INPP4B: variants seen among roughly 807,000 people sequenced by gnomAD.
INPP4B encodes the protein inositol polyphosphate-4-phosphatase type II B, also known as inositol polyphosphate 4-phosphatase type II.
INPP4B carries 55 observed loss-of-function variants against 122.5 expected under a neutral mutation model. The ratio of observed to expected loss-of-function variants is 0.45; its 90% CI spans 0.36 to 0.56. The LOEUF (loss-of-function observed/expected upper bound fraction) is 0.56, where lower values mean the gene tolerates loss of function less well. Among genes scored for constraint, INPP4B ranks in the 20% least tolerant of loss-of-function variants. INPP4B has a pLI of 0.00. For missense variants in INPP4B, 1,000 were observed against 1,097.7 expected, an observed-to-expected ratio of 0.91 and a Z score of 1.26; for synonymous variants, 403 against 388.7, an observed-to-expected ratio of 1.04 and a Z score of -0.43.
At chr4:142,094,199 C>T (rs336298) in intron 23 of INPP4B, among the ~76,000 whole-genome samples, 96,642 of 151,916 alleles carry the variant, frequency 0.64, 32,580 homozygotes, top group Non-Finnish European at 0.75. Context: ...CAAGCACAGA[C>T]GATAGAGCAG....
At chr4:142,472,778 C>G (rs1819110911) in intron 2 of INPP4B, among the ~76,000 whole-genome samples, 1 of 152,108 alleles carries the variant, frequency 6.6e-6, no homozygotes, top group Non-Finnish European at 1.5e-5. Context: ...TTCTTTGACC[C>G]CCCATCAGAA....
intron 1 of INPP4B, among the ~76,000 whole-genome samples, chr4:142,763,485 T>C (rs1366595161): frequency 6.6e-6 from 1 of 152,176 alleles, no homozygotes; most frequent in African/African-American, 2.4e-5. Context: ...AACCAACATA[T>C]TGTCCTAATA....
intron 1 of INPP4B, among the ~76,000 whole-genome samples, chr4:142,829,952 A>T (rs1781915234): frequency 1.3e-5 from 2 of 152,312 alleles, no homozygotes; most frequent in Non-Finnish European, 2.9e-5. Flanking sequence ...TAAAAATTAT[A>T]CCATTTTAAT....
chr4:142,264,938 CTT>C (rs1742025566), intron 10 of INPP4B, among the ~76,000 whole-genome samples: 1 of 151,944 alleles, frequency 6.6e-6, no homozygotes. Flanking sequence ...CCCTCTCTCC[CTT>C]CCTTTCTCCT....
intron 9 of INPP4B, among the ~76,000 whole-genome samples, chr4:142,294,608 A>C (rs1309668547): frequency 6.6e-6 from 1 of 151,856 alleles, no homozygotes; most frequent in Non-Finnish European, 1.5e-5. Flanking sequence ...TGCTGGATGA[A>C]ATTGAAACTG....
chr4:142,841,319 A>G (rs376329003), intron 1 of INPP4B, among the ~76,000 whole-genome samples: 1 of 151,930 alleles, frequency 6.6e-6, no homozygotes, highest in South Asian at 2.1e-4. Context: ...CCCAGCATTG[A>G]ATAGTTTTTG....
At chr4:142,253,743 G>A (rs1733872254) in intron 11 of INPP4B, among the ~76,000 whole-genome samples, 1 of 152,220 alleles carries the variant, frequency 6.6e-6, no homozygotes, top group Admixed American at 6.5e-5. Context: ...ACAGCGGTCT[G>A]AGATCAAACT....
At chr4:142,420,562 T>C (rs190634129) in intron 5 of INPP4B, among the ~76,000 whole-genome samples, 58 of 152,246 alleles carry the variant, frequency 3.8e-4, no homozygotes, top group African/African-American at 1.4e-3. Context: ...TAAATAACTA[T>C]ATCAGAAGTA....
chr4:142,062,488 C>A (rs920906299), intron 25 of INPP4B, among the ~76,000 whole-genome samples: 3 of 152,136 alleles, frequency 2.0e-5, no homozygotes. Flanking sequence ...ATCCCAGCAG[C>A]ACTTTGGGAG....
intron 17 of INPP4B, among the ~76,000 whole-genome samples, chr4:142,153,926 C>T (rs1033663891): frequency 1.3e-5 from 2 of 152,060 alleles, no homozygotes; most frequent in Admixed American, 6.6e-5. Context: ...TTTAATGGAC[C>T]AGTCATGAAC....
chr4:142,134,189 C>T (rs1310642294), intron 18 of INPP4B, among the ~76,000 whole-genome samples: 1 of 152,172 alleles, frequency 6.6e-6, no homozygotes, highest in East Asian at 1.9e-4. Flanking sequence ...AAAAACGTGG[C>T]ATCCTTTTTA....
intron 25 of INPP4B, among the ~76,000 whole-genome samples, chr4:142,038,167 G>A (rs1246021937): frequency 6.6e-6 from 1 of 152,056 alleles, no homozygotes; most frequent in Non-Finnish European, 1.5e-5. Context: ...AATATTAAAA[G>A]TCGAGTTTCA....
chr4:142,672,043 T>A (rs1757073436), intron 2 of INPP4B, among the ~76,000 whole-genome samples: 1 of 152,198 alleles, frequency 6.6e-6, no homozygotes. Flanking sequence ...TTTCCCATAC[T>A]GTATGTTGTT....
chr4:142,179,274 G>A (rs528098596), intron 15 of INPP4B, among the ~76,000 whole-genome samples: 6 of 151,868 alleles, frequency 4.0e-5, no homozygotes, highest in African/African-American at 1.4e-4. Context: ...GGAGTTCAAG[G>A]CCAGCCTGGA....
intron 12 of INPP4B, among the ~76,000 whole-genome samples, chr4:142,221,307 G>A (rs887473717): frequency 6.7e-6 from 1 of 148,282 alleles, no homozygotes; most frequent in African/African-American, 2.5e-5. Context: ...GACTGAGGCA[G>A]GAGAATGGTG....
intron 1 of INPP4B, among the ~76,000 whole-genome samples, chr4:142,786,469 A>G (rs1343862577): frequency 6.6e-6 from 1 of 152,176 alleles, no homozygotes; most frequent in Non-Finnish European, 1.5e-5. Context: ...GATAAGAGAC[A>G]TATTCAAATA....
At chr4:142,260,144 C>T (rs1385210764) in intron 11 of INPP4B, among the ~76,000 whole-genome samples, 1 of 152,090 alleles carries the variant, frequency 6.6e-6, no homozygotes, top group Non-Finnish European at 1.5e-5. Context: ...GCCACCATGC[C>T]CAGCTAATTT....
chr4:142,523,018 C>CTAACTGG (rs1391877675), intron 2 of INPP4B, among the ~76,000 whole-genome samples: 1 of 151,982 alleles, frequency 6.6e-6, no homozygotes, highest in Non-Finnish European at 1.5e-5. Context: ...CCAAGGAAAG[C>CTAACTGG]AAAGGTAAAC....
intron 1 of INPP4B, among the ~76,000 whole-genome samples, chr4:142,762,419 A>G (rs1328223198): frequency 2.6e-5 from 4 of 152,152 alleles, no homozygotes; most frequent in Non-Finnish European, 5.9e-5. Flanking sequence ...CAGTATAATT[A>G]TGGGAGCCAC....
Sources: allele counts gnomAD v4.1 joint callset (sites outside exome capture counted in the v4.1 genomes callset), GRCh38; gene constraint gnomAD v4.1.1; transcripts MANE v1.5; gene names NCBI Gene and HGNC (gene_info 2026-07-23, HGNC 2026-07-21).